PRKCB: variants seen among roughly 807,000 people sequenced by gnomAD.
PRKCB encodes protein kinase C beta, also known as protein kinase C beta type.
A neutral mutation model predicts 81.5 loss-of-function variants in PRKCB; 13 were observed. The observed-to-expected ratio is 0.16, with a 90% confidence interval of 0.10 to 0.25. The LOEUF is 0.25. Ranked by LOEUF, PRKCB falls within the 10% of genes least tolerant of loss-of-function variation. The probability of loss-of-function intolerance (pLI) is 1.00; values close to 1 mark genes in which losing one functional copy is unlikely to be tolerated. For synonymous variants in PRKCB, 335 were observed against 321.4 expected (o/e 1.04, Z -0.45); for missense variants, 509 against 875.7 (o/e 0.58, Z 5.29).
chr16:23,912,839 T>TATTTATTTA (rs59345283), intron 2 of PRKCB, among the ~76,000 whole-genome samples: 6 of 149,470 alleles, frequency 4.0e-5, no homozygotes, highest in South Asian at 2.1e-4. Flanking sequence ...TTTATTTATT[T>TATTTATTTA]TTTGATATGG....
intron 10 of PRKCB, among the ~76,000 whole-genome samples, chr16:24,165,384 GT>G (rs1967326662): frequency 6.6e-6 from 1 of 152,180 alleles, no homozygotes. Context: ...TTGTATACTT[GT>G]TTTAACCAAG....
chr16:23,855,847 G>A (rs1242220715), intron 2 of PRKCB, among the ~76,000 whole-genome samples: 1 of 152,176 alleles, frequency 6.6e-6, no homozygotes, highest in Non-Finnish European at 1.5e-5. Context: ...GCATTACCTT[G>A]GGCAAAGCAG....
chr16:23,959,901 A>G (rs1567326563), intron 2 of PRKCB, among the ~76,000 whole-genome samples: 1 of 152,196 alleles, frequency 6.6e-6, no homozygotes, highest in East Asian at 1.9e-4. Context: ...TGTGCAGGAA[A>G]TGAAGTGACA....
intron 2 of PRKCB, among the ~76,000 whole-genome samples, chr16:23,983,747 G>A (rs888963126): frequency 6.6e-6 from 1 of 151,440 alleles, no homozygotes; most frequent in African/African-American, 2.4e-5. Flanking sequence ...ACAGAGTCTC[G>A]CTCTGTCTCT....
At chr16:24,157,567 AC>A (rs768543127) in intron 10 of PRKCB, among the ~76,000 whole-genome samples, 2 of 151,104 alleles carry the variant, frequency 1.3e-5, no homozygotes, top group Non-Finnish European at 2.9e-5. Flanking sequence ...AGTCAATTAA[AC>A]CCCTTTCCTT....
At chr16:24,050,316 C>T (rs1413853396) in intron 5 of PRKCB, among the ~76,000 whole-genome samples, 1 of 152,190 alleles carries the variant, frequency 6.6e-6, no homozygotes, top group East Asian at 1.9e-4. Flanking sequence ...CTAGACAACA[C>T]TCCAGTTGGA....
chr16:23,959,985 T>G (rs1296956372), intron 2 of PRKCB, among the ~76,000 whole-genome samples: 1 of 152,138 alleles, frequency 6.6e-6, no homozygotes, highest in Non-Finnish European at 1.5e-5. Flanking sequence ...TGGCTTCCAA[T>G]GGGCAGCAAC....
chr16:24,002,311 GTA>G (rs1044413412), intron 3 of PRKCB, among the ~76,000 whole-genome samples: 1 of 137,310 alleles, frequency 7.3e-6, no homozygotes, highest in Admixed American at 7.3e-5. Flanking sequence ...GTGTGTGTGT[GTA>G]TGTGTGTGTG....
chr16:24,071,497 C>T (rs1966107814), intron 5 of PRKCB, among the ~76,000 whole-genome samples: 1 of 150,510 alleles, frequency 6.6e-6, no homozygotes, highest in East Asian at 1.9e-4. Context: ...ATAAGAGGAG[C>T]CCGTCCAACC....
chr16:23,990,322 G>A (rs1308267236), intron 3 of PRKCB, among the ~76,000 whole-genome samples: 4 of 152,118 alleles, frequency 2.6e-5, no homozygotes, highest in Admixed American at 1.3e-4. Context: ...GCCAGGCATG[G>A]TGGTGGGCGC....
At chr16:24,168,602 G>A (rs1391234752) in intron 10 of PRKCB, among the ~76,000 whole-genome samples, 1 of 131,354 alleles carries the variant, frequency 7.6e-6, no homozygotes, top group Non-Finnish European at 1.6e-5. Flanking sequence ...CTGGGCTGGA[G>A]TGCAGTGGCA....
intron 16 of PRKCB, among the ~76,000 whole-genome samples, chr16:24,198,355 C>T (rs901529682): frequency 1.3e-5 from 2 of 152,138 alleles, no homozygotes; most frequent in Non-Finnish European, 2.9e-5. Flanking sequence ...TAATGAAGGG[C>T]TTACTGTGAA....
intron 7 of PRKCB, among the ~76,000 whole-genome samples, chr16:24,109,340 A>C (rs1242163628): frequency 1.1e-5 from 1 of 93,792 alleles, no homozygotes; most frequent in Non-Finnish European, 2.1e-5. Context: ...GACGCTCCTC[A>C]CTTCCCAGAC....
chr16:23,901,381 G>A (rs1177857360), intron 2 of PRKCB, among the ~76,000 whole-genome samples: 1 of 152,096 alleles, frequency 6.6e-6, no homozygotes, highest in African/African-American at 2.4e-5. Flanking sequence ...CCTGCTGCTT[G>A]ATTGGGAGTA....
At chr16:23,982,037 CA>C (rs141869040) in intron 2 of PRKCB, among the ~76,000 whole-genome samples, 6 of 24,476 alleles carry the variant, frequency 2.5e-4, no homozygotes, top group South Asian at 2.9e-3. Flanking sequence ...CCTTTCCCTT[CA>C]CCTTCCCCTT....
chr16:24,182,304 A>G (rs1567404599), intron 13 of PRKCB, among the ~76,000 whole-genome samples: 1 of 152,090 alleles, frequency 6.6e-6, no homozygotes, highest in Admixed American at 6.5e-5. Context: ...AGATCGCTTG[A>G]GGGTAGAAGT....
intron 5 of PRKCB, among the ~76,000 whole-genome samples, chr16:24,048,216 T>A (rs184501489): frequency 3.9e-4 from 60 of 152,220 alleles, no homozygotes; most frequent in Non-Finnish European, 8.2e-4. Flanking sequence ...TATAATCCTA[T>A]CAACAACCTG....
chr16:24,197,197 C>A (rs1034764045), intron 16 of PRKCB, among the ~76,000 whole-genome samples: 16 of 152,096 alleles, frequency 1.1e-4, no homozygotes, highest in African/African-American at 3.6e-4. Flanking sequence ...AACATAGAAA[C>A]AAGTAAAATA....
rs1966411939 is a variant in PRKCB at position 24,094,242 on chromosome 16, A to G, written c.766A>G (p.Met256Val). ...DWDLTSRNDF[M>V]GSLSFGISEL... ...GGATTTGACCAGCAGGAATGACTTC[A>G]TGGGATCTTTGTCCTTTGGGATTTC... Residue 256 changes from methionine (M) to valine (V), a missense_variant, in exon 7 of 17, where the codon ATG becomes GTG. This residue lies in a region of PRKCB where 184 missense variants were observed against 362.9 expected (regional missense o/e 0.51). Transcript: ENST00000643927. 6.2e-7 allele frequency: 1 copy of G among 1,614,196 alleles called. No homozygotes were observed. Among genetic ancestry groups the G allele is most frequent in the Non-Finnish European group, 8.5e-7 (1 of 1,180,036 alleles).
Sources: allele counts gnomAD v4.1 joint callset (sites outside exome capture counted in the v4.1 genomes callset), GRCh38; gene constraint gnomAD v4.1.1; regional missense constraint gnomAD v4.1.1; transcripts MANE v1.5; gene names NCBI Gene and HGNC (gene_info 2026-07-23, HGNC 2026-07-21).